The following BAZ2B variants were observed in gnomAD, a reference collection of about 807,000 sequenced individuals.
The protein encoded by BAZ2B is bromodomain adjacent to zinc finger domain protein 2B.
In BAZ2B, 91 loss-of-function variants were observed where a neutral mutation model predicts 246.0. The observed-to-expected ratio is 0.37, with a 90% confidence interval of 0.31 to 0.44. The LOEUF is 0.44. Ranked by LOEUF, BAZ2B falls within the 20% of genes least tolerant of loss-of-function variation. The pLI is 1.00. For synonymous variants in BAZ2B, 855 were observed against 860.0 expected (o/e 0.99, Z 0.10); for missense variants, 2,332 against 2,533.7 (o/e 0.92, Z 1.71).
At chr2:159,334,479 C>G (rs977815048) in intron 33 of BAZ2B, among the ~76,000 whole-genome samples, 1 of 152,110 alleles carries the variant, frequency 6.6e-6, no homozygotes, top group African/African-American at 2.4e-5. Context: ...CTAAAGATAT[C>G]GAGCACTTTA....
the BAZ2B span, among the ~76,000 whole-genome samples, chr2:159,703,873 A>T: frequency 4.5e-4 from 68 of 151,954 alleles, no homozygotes; most frequent in Non-Finnish European, 6.3e-4. Flanking sequence ...TCAAAAAAAA[A>T]TTTTTTTTTG....
chr2:159,658,537 A>T, the BAZ2B span, among the ~76,000 whole-genome samples: 1 of 151,918 alleles, frequency 6.6e-6, no homozygotes, highest in Admixed American at 6.6e-5. Flanking sequence ...ACTTTTTTGG[A>T]GACAGAGTCT....
At chr2:159,382,312 T>C (rs1034160311) in intron 25 of BAZ2B, among the ~76,000 whole-genome samples, 4 of 152,194 alleles carry the variant, frequency 2.6e-5, no homozygotes, top group Non-Finnish European at 4.4e-5. Context: ...CAAGAAATTA[T>C]ATTAAAAAAA....
intron 27 of BAZ2B, among the ~76,000 whole-genome samples, chr2:159,364,982 A>C (rs1483076485): frequency 6.6e-6 from 1 of 152,120 alleles, no homozygotes; most frequent in Non-Finnish European, 1.5e-5. Context: ...CTCTGATGGC[A>C]TGTGTTAGTT....
chr2:159,462,677 T>C, intron 3 of BAZ2B: 1 of 1,228,088 alleles, frequency 8.1e-7, no homozygotes, highest in Non-Finnish European at 1.2e-6. Flanking sequence ...AACCTGAATC[T>C]TAAGCACTCC....
intron 2 of BAZ2B, among the ~76,000 whole-genome samples, chr2:159,552,936 T>C (rs1288229559): frequency 6.6e-6 from 1 of 152,140 alleles, no homozygotes; most frequent in East Asian, 1.9e-4. Context: ...GAGAGACAGT[T>C]TGATTTCACC....
intron 16 of BAZ2B, among the ~76,000 whole-genome samples, chr2:159,401,563 A>C (rs2065071280): frequency 1.3e-5 from 2 of 152,218 alleles, no homozygotes; most frequent in Admixed American, 1.3e-4. Flanking sequence ...AATTACAATT[A>C]GCCCATTTCA....
intron 3 of BAZ2B, among the ~76,000 whole-genome samples, chr2:159,465,732 G>A (rs1481566376): frequency 6.6e-6 from 1 of 152,038 alleles, no homozygotes; most frequent in Non-Finnish European, 1.5e-5. Context: ...GACCAACCTG[G>A]CCAACATGGT....
rs552453265 is a variant in BAZ2B, at chr2:159,482,069, A to G, written c.-2-3348T>C. ...CATTAGGGGAAGCTGGATGAAAAAT[A>G]TATGTGAACTCTGTTTTTTATTTTT... On this transcript the variant is annotated intron_variant, in intron 2 of 36. Coordinates refer to ENST00000392783, the MANE Select transcript of BAZ2B (RefSeq NM_013450.4). Among the ~76,000 whole-genome samples the G allele has an allele frequency of 1.2e-3, 182 of 152,010 alleles. No individual in the cohort carries two copies. The South Asian group carries it at 0.013, about 11-fold the overall frequency.
rs1050685117 is a variant in BAZ2B, at chr2:159,405,242, C to A, written c.2678-128G>T. On this transcript the variant is annotated intron_variant, in intron 14 of 36. Coordinates refer to ENST00000392783, the MANE Select transcript of BAZ2B (RefSeq NM_013450.4). ...TACTTTTTTTTTTGAGATGAAGTCTCGCTCTGTTGCCCAGGCTGGAGTGCA... is the reference window on the plus strand; with the variant it reads ...TACTTTTTTTTTTGAGATGAAGTCTAGCTCTGTTGCCCAGGCTGGAGTGCA... 3 of 803,682 alleles carry A rather than the reference C, an allele frequency of 3.7e-6. No individual in the cohort carries two copies. In the South Asian group the frequency reaches 5.6e-5, roughly 15 times the overall value. The allele number at this position is 803,682 out of a possible 1,614,324, so 49.8% of individuals were successfully genotyped here.
intron 2 of BAZ2B, among the ~76,000 whole-genome samples, chr2:159,497,900 A>G (rs933347713): frequency 6.6e-6 from 1 of 152,142 alleles, no homozygotes; most frequent in Non-Finnish European, 1.5e-5. Flanking sequence ...AATAATCCAA[A>G]CAATATACTC....
chr2:159,469,523 C>G (rs1258627923), intron 3 of BAZ2B, among the ~76,000 whole-genome samples: 2 of 152,120 alleles, frequency 1.3e-5, no homozygotes, highest in African/African-American at 4.8e-5. Context: ...GCAACCTCTG[C>G]CTCCCAGGTT....
intron 20 of BAZ2B, among the ~76,000 whole-genome samples, chr2:159,390,564 A>C (rs7560385): frequency 0.32 from 48,558 of 151,904 alleles, 8,113 homozygotes; most frequent in South Asian, 0.46. Flanking sequence ...AATCATCTCC[A>C]TTTCGATTAT....
intron 1 of BAZ2B, among the ~76,000 whole-genome samples, chr2:159,560,228 A>G (rs942192884): frequency 3.3e-5 from 5 of 152,220 alleles, no homozygotes; most frequent in African/African-American, 1.2e-4. Flanking sequence ...TAGAATACCT[A>G]TCTGCTTTTT....
At chr2:159,438,076 G>A (rs1337785811) in intron 8 of BAZ2B, 2 of 439,638 alleles carry the variant, frequency 4.5e-6, no homozygotes, top group East Asian at 4.5e-5. Context: ...GGGTTGCAGG[G>A]GAGCTGGAAT....
intron 1 of BAZ2B, among the ~76,000 whole-genome samples, chr2:159,557,269 C>A (rs2089291194): frequency 6.9e-6 from 1 of 145,836 alleles, no homozygotes; most frequent in Admixed American, 7.1e-5. Flanking sequence ...GTTGCCCAGG[C>A]TGGTCTCAAA....
the BAZ2B span, among the ~76,000 whole-genome samples, chr2:159,684,054 A>G: frequency 1.3e-5 from 2 of 152,228 alleles, no homozygotes; most frequent in Non-Finnish European, 2.9e-5. Flanking sequence ...AATGTCATAT[A>G]AATGCAATCA....
At chr2:159,612,037 T>G (rs894379321) in intron 1 of BAZ2B, among the ~76,000 whole-genome samples, 1 of 152,008 alleles carries the variant, frequency 6.6e-6, no homozygotes, top group Non-Finnish European at 1.5e-5. Context: ...CATTTTAGTA[T>G]GATAGCTGAA....
At chr2:159,658,789 G>A in the BAZ2B span, among the ~76,000 whole-genome samples, 1 of 152,136 alleles carries the variant, frequency 6.6e-6, no homozygotes, top group Admixed American at 6.6e-5. Flanking sequence ...AAAGTGGTCT[G>A]ATTACAGGCG....
Sources: allele counts gnomAD v4.1 joint callset (sites outside exome capture counted in the v4.1 genomes callset), GRCh38; gene constraint gnomAD v4.1.1; transcripts MANE v1.5; gene names NCBI Gene and HGNC (gene_info 2026-07-23, HGNC 2026-07-21).